Variants in SNRNP70 observed in about 807,000 individuals in gnomAD.
SNRNP70 encodes small nuclear ribonucleoprotein U1 subunit 70.
SNRNP70 carries 8 observed loss-of-function variants against 50.5 expected under a neutral mutation model. That is an observed-to-expected ratio of 0.16 (90% CI 0.09 to 0.29). The LOEUF (loss-of-function observed/expected upper bound fraction) is 0.29. SNRNP70 is among the 10% of genes least tolerant of loss of function. The pLI, the probability that SNRNP70 is intolerant of heterozygous loss-of-function variation, is 1.00. For missense variants in SNRNP70, 529 were observed against 663.5 expected, an observed-to-expected ratio of 0.80 and a Z score of 2.23; for synonymous variants, 320 against 252.9, an observed-to-expected ratio of 1.27 and a Z score of -2.52.
At chr19:49,097,543 T>A (rs569763341) in intron 4 of SNRNP70, among the ~76,000 whole-genome samples, 74 of 152,314 alleles carry the variant, frequency 4.9e-4, no homozygotes, top group African/African-American at 1.6e-3. Flanking sequence ...AATGGGTTAA[T>A]GTTATTCCTT....
chr19:49,101,028 G>T (rs1181615643), intron 6 of SNRNP70, among the ~76,000 whole-genome samples: 1 of 152,000 alleles, frequency 6.6e-6, no homozygotes, highest in Admixed American at 6.6e-5. Flanking sequence ...CATCTCCTGG[G>T]ACTCTCTGTC....
At position 49,101,536 on chromosome 19, in the gene SNRNP70, C is replaced by T; in HGVS notation, c.475+65C>T. On this transcript the variant is annotated intron_variant, in intron 7 of 9. Coordinates refer to ENST00000598441, the MANE Select transcript of SNRNP70 (RefSeq NM_003089.6). The stretch of plus-strand genomic sequence containing the variant: ...TCACTTCTCTGCTGCCCCAGCCCCT[C>T]CCAGTCTGTCCCCTCCCCCACCCTG... 8 of 1,084,726 alleles carry T rather than the reference C, an allele frequency of 7.4e-6. 1 individual carries two copies. The South Asian group carries it at 1.0e-4, about 14-fold the overall frequency. The allele number at this position is 1,084,726 out of a possible 1,614,324, so 67.2% of individuals were successfully genotyped here.
In SNRNP70 at chr19:49,104,466, G is replaced by A. The variant is rs781495885; in HGVS notation, c.476-168G>A. 1.9e-5 allele frequency: 12 copies of A among 619,820 alleles called. No individual in the cohort carries two copies. Among genetic ancestry groups the A allele is most frequent in the African/African-American group, 5.5e-5 (3 of 54,520 alleles). 38.4% of individuals were successfully genotyped at this position (619,820 alleles called of 1,614,324 possible). Reference sequence around the variant, plus strand: ...GCTGAGATGGAGCAGGCCCTTCACCGGTTTGGGAGAGGGTTGGTCTGGCTG... The same window carrying A: ...GCTGAGATGGAGCAGGCCCTTCACCAGTTTGGGAGAGGGTTGGTCTGGCTG... On this transcript the variant is annotated intron_variant, in intron 7 of 9. Coordinates refer to ENST00000598441, the MANE Select transcript of SNRNP70 (RefSeq NM_003089.6). The surrounding 1 kb of genome is among the most constrained non-coding windows in gnomAD (Gnocchi z 5.4).
At chr19:49,093,983 A>G (rs568439237) in intron 4 of SNRNP70, among the ~76,000 whole-genome samples, 5 of 152,288 alleles carry the variant, frequency 3.3e-5, no homozygotes, top group African/African-American at 1.2e-4. Context: ...AGATAGCGCC[A>G]TTACACTCCA....
intron 4 of SNRNP70, among the ~76,000 whole-genome samples, chr19:49,095,829 T>A (rs778935712): frequency 2.6e-5 from 4 of 151,908 alleles, no homozygotes; most frequent in Admixed American, 6.6e-5. Context: ...GCCCAGCACC[T>A]TTTTTTGTCT....
intron 2 of SNRNP70, among the ~76,000 whole-genome samples, chr19:49,089,486 A>G (rs1392221122): frequency 6.6e-6 from 1 of 151,976 alleles, no homozygotes; most frequent in Non-Finnish European, 1.5e-5. Context: ...CAGAAAAAAA[A>G]AAGACCTACA....
At chr19:49,105,128 G>T (rs986872617) in intron 8 of SNRNP70, among the ~76,000 whole-genome samples, 1 of 152,060 alleles carries the variant, frequency 6.6e-6, no homozygotes, top group African/African-American at 2.4e-5. Context: ...ATCTGCTTCT[G>T]CTGCTTGCTG....
At chr19:49,088,307 A>G (rs1430498443) in intron 2 of SNRNP70, among the ~76,000 whole-genome samples, 4 of 125,024 alleles carry the variant, frequency 3.2e-5, no homozygotes, top group African/African-American at 9.4e-5. Context: ...GGTTCATGCC[A>G]TTCTCCTGCC....
At chr19:49,106,621 C>T (rs1038099811) in intron 8 of SNRNP70, among the ~76,000 whole-genome samples, 1 of 152,142 alleles carries the variant, frequency 6.6e-6, no homozygotes, top group African/African-American at 2.4e-5. Flanking sequence ...GGAAGCTTTT[C>T]CAGGCAGTGC....
rs575878849 is a variant in SNRNP70, at chr19:49,107,816, G to A, written c.687G>A (p.Pro229=). The A allele has an allele frequency of 1.4e-5, 22 of 1,598,492 alleles. No homozygotes were observed. The East Asian group carries it at 2.7e-4, about 20-fold the overall frequency. Residue 229 remains proline (P), a synonymous_variant, in exon 10 of 10, where the codon CCG becomes CCA. Coordinates refer to ENST00000598441, the MANE Select transcript of SNRNP70 (RefSeq NM_003089.6). This position sits in a 1 kb window ranked among gnomAD's most constrained non-coding sequence, Gnocchi z 6.0. ...CCAGGCCCGGCCCCTCCCCGCTTCC[G>A]CACAGGGACCGGGACCGGGACCGTG... ...YDERPGPSPL[P]HRDRDRDRER...
rs897851007 is a variant in SNRNP70, at chr19:49,085,607, C to G, written c.-40C>G. 2 of 455,984 alleles carry G rather than the reference C, an allele frequency of 4.4e-6. No homozygotes were observed. Among genetic ancestry groups the G allele is most frequent in the African/African-American group, 4.0e-5 (2 of 50,092 alleles). 28.2% of individuals were successfully genotyped at this position (455,984 alleles called of 1,614,324 possible). A position where few individuals can be genotyped will look rare whatever the true frequency, so the allele number is the denominator to read the frequency against. On this transcript the variant is annotated 5_prime_UTR_variant, in exon 1 of 10. Coordinates refer to ENST00000598441, the MANE Select transcript of SNRNP70 (RefSeq NM_003089.6). ...GCCGCAGCCGCCGCGAGCCTCCGGA[C>G]AGACGCCAGAGCGAGGAGGGCGCTA...
intron 7 of SNRNP70, among the ~76,000 whole-genome samples, chr19:49,101,954 G>A (rs1302954471): frequency 6.6e-6 from 1 of 151,840 alleles, no homozygotes; most frequent in East Asian, 1.9e-4. Flanking sequence ...AGCGGGCAGT[G>A]GGGTGATAGG....
In SNRNP70 at chr19:49,104,588, C is replaced by T; in HGVS notation, c.476-46C>T. The T allele has an allele frequency of 4.2e-6, 6 of 1,411,986 alleles. No homozygotes were observed. The highest frequency in any genetic ancestry group is 5.9e-6 in the Non-Finnish European group (6 of 1,020,874). 87.5% of individuals were successfully genotyped at this position (1,411,986 alleles called of 1,614,324 possible). On this transcript the variant is annotated intron_variant, in intron 7 of 9. Coordinates refer to ENST00000598441, the MANE Select transcript of SNRNP70 (RefSeq NM_003089.6). The surrounding 1 kb of genome is among the most constrained non-coding windows in gnomAD (Gnocchi z 5.4). ...AGCTGGGCCTGTCCTGACTAGAGGA[C>T]CCTCTGGGGACTCCTCTCCCCTCCC... is the stretch of plus-strand genomic sequence containing the variant.
At chr19:49,101,637 GT>G in intron 7 of SNRNP70, 166 bp downstream of exon 7, 1 of 602,398 alleles carries the variant, frequency 1.7e-6, no homozygotes, top group Non-Finnish European at 3.0e-6. Context: ...TTATATACGT[GT>G]TTTTTAAAAA....
chr19:49,090,547 C>G, intron 4 of SNRNP70, 27 bp downstream of exon 4: 2 of 1,609,006 alleles, frequency 1.2e-6, no homozygotes, highest in South Asian at 2.2e-5. Flanking sequence ...CCATTTGGCT[C>G]TCTCCTCTCC....
At chr19:49,091,120 C>T (rs1216799972) in intron 4 of SNRNP70, among the ~76,000 whole-genome samples, 1 of 152,108 alleles carries the variant, frequency 6.6e-6, no homozygotes, top group Non-Finnish European at 1.5e-5. Flanking sequence ...GCTGTAATCC[C>T]AGTACTTTGG....
chr19:49,090,023 C>T (rs921836772), intron 2 of SNRNP70, among the ~76,000 whole-genome samples: 1 of 152,058 alleles, frequency 6.6e-6, no homozygotes, highest in African/African-American at 2.4e-5. Flanking sequence ...TTGTCCCAGG[C>T]TGGTCTGAAA....
chr19:49,104,770 G>C lies in SNRNP70; in HGVS notation c.577+35G>C. 2 of 1,400,450 alleles carry C rather than the reference G, an allele frequency of 1.4e-6. No homozygotes were observed. The highest frequency in any genetic ancestry group is 1.9e-6 in the Non-Finnish European group (2 of 1,037,360). The allele number at this position is 1,400,450 out of a possible 1,614,324, so 86.8% of individuals were successfully genotyped here. A position where few individuals can be genotyped will look rare whatever the true frequency, so the allele number is the denominator to read the frequency against. On this transcript the variant is annotated intron_variant, in intron 8 of 9. Transcript: ENST00000598441. The surrounding 1 kb of genome is among the most constrained non-coding windows in gnomAD (Gnocchi z 5.4). ...TCCTGCCTTCGACGGGCTCTCGGGG[G>C]CCCTGGGCCTGGTGGCCTTGTTCTC...
chr19:49,091,230 G>A (rs982610522), intron 4 of SNRNP70, among the ~76,000 whole-genome samples: 11 of 151,938 alleles, frequency 7.2e-5, no homozygotes, highest in Admixed American at 2.0e-4. Flanking sequence ...TTAGCTGGGC[G>A]TGGTGGCGAG....
Sources: allele counts gnomAD v4.1 joint callset (sites outside exome capture counted in the v4.1 genomes callset), GRCh38; gene constraint gnomAD v4.1.1; non-coding constraint Gnocchi (gnomAD v3.1); transcripts MANE v1.5; gene names NCBI Gene and HGNC (gene_info 2026-07-23, HGNC 2026-07-21).